MAMLD1: variants seen among roughly 807,000 people sequenced by gnomAD.
The protein encoded by MAMLD1 is mastermind like domain containing 1, also known as mastermind-like domain-containing protein 1.
In MAMLD1, 14 loss-of-function variants were observed where a neutral mutation model predicts 45.0. The ratio of observed to expected loss-of-function variants is 0.31; its 90% CI spans 0.21 to 0.49. The LOEUF (loss-of-function observed/expected upper bound fraction) is 0.49, where lower values mean the gene tolerates loss of function less well. Among genes scored for constraint, MAMLD1 ranks in the 20% least tolerant of loss-of-function variants. The pLI is 0.99. For missense variants in MAMLD1, 543 were observed against 603.6 expected (o/e 0.90, Z 1.05); for synonymous variants, 254 against 247.8 (o/e 1.02, Z -0.24).
intron 1 of MAMLD1, among the ~76,000 whole-genome samples, chrX:150,441,086 A>G (rs2035301612): frequency 9.4e-6 from 1 of 106,157 alleles, no homozygotes; most frequent in Admixed American, 1.1e-4. Context: ...ATATTTGTAC[A>G]TCTTCATGCG....
intron 5 of MAMLD1, among the ~76,000 whole-genome samples, chrX:150,490,883 T>A (rs1460122776): frequency 8.9e-6 from 1 of 112,124 alleles, no homozygotes; most frequent in Admixed American, 9.5e-5. Context: ...GTTCAGTCTA[T>A]GAAAAGCAAT....
At chrX:150,483,829 C>A (rs1482486031) in intron 5 of MAMLD1, among the ~76,000 whole-genome samples, 4 of 112,601 alleles carry the variant, frequency 3.6e-5, no homozygotes, top group Non-Finnish European at 7.5e-5. Flanking sequence ...TTCTGGCTGC[C>A]ATTTCACATA....
In MAMLD1 at chrX:150,470,499, C is replaced by A. The variant is rs146141590; in HGVS notation, c.926C>A (p.Ala309Glu). 3.7e-5 allele frequency: 45 copies of A among 1,210,162 alleles called. No individual in the cohort carries two copies. Among genetic ancestry groups the A allele is most frequent in the Non-Finnish European group, 4.6e-5 (41 of 895,288 alleles). ...PQWHHAHQLKALAASKQGSAT... is the reference protein window; with the variant it reads ...PQWHHAHQLKELAASKQGSAT... ...TGGCATCACGCCCACCAGCTGAAGG[C>A]GTTGGCAGCCAGCAAGCAGGGGTCT... The change falls in exon 4 of 8, where the codon GCG (alanine) becomes GAG (glutamate). Residue 309 changes from alanine (A) to glutamate (E), a missense_variant. Physicochemically the swap from Ala to Glu is moderately radical, Grantham distance 107 (BLOSUM62 -1). Coordinates refer to ENST00000370401, the MANE Select transcript of MAMLD1 (RefSeq NM_005491.5).
chrX:150,469,387 G>A (rs958142419), intron 3 of MAMLD1, among the ~76,000 whole-genome samples: 1 of 111,805 alleles, frequency 8.9e-6, no homozygotes, highest in African/African-American at 3.3e-5. Flanking sequence ...TTTGCATAAC[G>A]TTCTATCCCG....
intron 1 of MAMLD1, among the ~76,000 whole-genome samples, chrX:150,444,744 T>C (rs187185203): frequency 2.1e-4 from 23 of 111,917 alleles, no homozygotes; most frequent in Admixed American, 1.7e-3. Context: ...CATGTCTACA[T>C]CATGAAAAAC....
rs782648470 is a variant in MAMLD1, at chrX:150,405,519, C to T, written c.-63-39935C>T. Among the ~76,000 whole-genome samples, 405 of 111,650 alleles carry T rather than the reference C, an allele frequency of 3.6e-3. 2 individuals are homozygous for T. Among genetic ancestry groups the T allele is most frequent in the Non-Finnish European group, 6.8e-3 (363 of 53,074 alleles). ...GGGCAGTTTTTCTGGGCACTCACTT[C>T]CAGATCCTGGAGCCCACCTGTGCAG... On this transcript the variant is annotated intron_variant, in intron 1 of 7. Coordinates refer to ENST00000370401, the MANE Select transcript of MAMLD1 (RefSeq NM_005491.5).
chrX:150,371,222 C>G (rs1414483183), intron 1 of MAMLD1, among the ~76,000 whole-genome samples: 2 of 111,316 alleles, frequency 1.8e-5, no homozygotes, highest in African/African-American at 3.3e-5. Context: ...CTTACCCTCC[C>G]ATGTGCCCTG....
chrX:150,395,956 G>C (rs2124504094), intron 1 of MAMLD1, among the ~76,000 whole-genome samples: 1 of 107,392 alleles, frequency 9.3e-6, no homozygotes, highest in East Asian at 2.9e-4. Context: ...ATTTTATTCT[G>C]CTTACTTAGG....
chrX:150,511,565 T>C (rs1557409117), intron 7 of MAMLD1, among the ~76,000 whole-genome samples: 1 of 112,003 alleles, frequency 8.9e-6, no homozygotes, highest in East Asian at 2.8e-4. Context: ...GAGGCTGAGC[T>C]AGCTCCCGCC....
At position 150,454,759 on chromosome X, in the gene MAMLD1, C is replaced by T. The variant is rs189922907; in HGVS notation, c.97-8013C>T. Among the ~76,000 whole-genome samples the T allele has an allele frequency of 2.2e-3, 245 of 110,707 alleles. 1 individual carries two copies. Among genetic ancestry groups the T allele is most frequent in the African/African-American group, 7.6e-3 (231 of 30,372 alleles). On this transcript the variant is annotated intron_variant, in intron 2 of 7. Transcript: ENST00000370401. ...ACTATTGCTACCAGCACCACCACCT[C>T]CACCACCACTACCCTCACCTTCACT...
chrX:150,500,983 GC>G (rs1557408497), intron 5 of MAMLD1, among the ~76,000 whole-genome samples: 1 of 111,681 alleles, frequency 9.0e-6, no homozygotes, highest in Non-Finnish European at 1.9e-5. Flanking sequence ...GTGGCTCCAG[GC>G]CCCCTCTTGA....
chrX:150,482,015 A>T (rs1602970090), intron 5 of MAMLD1, among the ~76,000 whole-genome samples: 1 of 108,871 alleles, frequency 9.2e-6, no homozygotes, highest in East Asian at 2.9e-4. Flanking sequence ...AAAGAAAGAA[A>T]GAAAGAAAGA....
chrX:150,504,811 G>A (rs782241784), intron 6 of MAMLD1: 2 of 752,236 alleles, frequency 2.7e-6, no homozygotes, highest in East Asian at 3.0e-4. Context: ...TAAGAACCTT[G>A]GAAATTGGCC....
intron 1 of MAMLD1, among the ~76,000 whole-genome samples, 174 bp downstream of exon 1, chrX:150,363,704 C>T (rs1222785717): frequency 8.9e-6 from 1 of 112,573 alleles, no homozygotes; most frequent in Non-Finnish European, 1.9e-5. Context: ...CGGGCGGCCA[C>T]CCCCTTCTCG....
chrX:150,495,743 C>G (rs182535955), intron 5 of MAMLD1, among the ~76,000 whole-genome samples: 2 of 112,225 alleles, frequency 1.8e-5, no homozygotes, highest in Non-Finnish European at 3.8e-5. Flanking sequence ...AACCCCATTA[C>G]GCTGACCATG....
chrX:150,434,981 G>A (rs1399773881), intron 1 of MAMLD1, among the ~76,000 whole-genome samples: 3 of 111,156 alleles, frequency 2.7e-5, no homozygotes, highest in Non-Finnish European at 5.7e-5. Context: ...TTTCTGCCTC[G>A]ATGATCTGTC....
chrX:150,382,875 A>ATTTTTTTTTTTTTTTT (rs2032686727), intron 1 of MAMLD1, among the ~76,000 whole-genome samples: 1 of 43,647 alleles, frequency 2.3e-5, no homozygotes, highest in Non-Finnish European at 3.8e-5. Flanking sequence ...ATTTTGTCCC[A>ATTTTTTTTTTTTTTTT]TTTTATTTTA....
chrX:150,432,612 G>A (rs973351196), intron 1 of MAMLD1, among the ~76,000 whole-genome samples: 12 of 112,040 alleles, frequency 1.1e-4, no homozygotes, highest in African/African-American at 3.6e-4. Flanking sequence ...TAAGGAAGGG[G>A]TCAAGTTTCA....
intron 4 of MAMLD1, among the ~76,000 whole-genome samples, chrX:150,472,453 G>A (rs1326730802): frequency 1.8e-5 from 2 of 112,507 alleles, no homozygotes; most frequent in Admixed American, 1.9e-4. Flanking sequence ...GGCTCAGTGG[G>A]GAAGGATCTG....
Sources: allele counts gnomAD v4.1 joint callset (sites outside exome capture counted in the v4.1 genomes callset), GRCh38; gene constraint gnomAD v4.1.1; transcripts MANE v1.5; gene names NCBI Gene and HGNC (gene_info 2026-07-23, HGNC 2026-07-21).